STXBP5L: variants seen among roughly 807,000 people sequenced by gnomAD.
The protein encoded by STXBP5L is syntaxin binding protein 5L.
Under a neutral mutation model 144.5 loss-of-function variants are expected in STXBP5L, and 65 were observed. That is an observed-to-expected ratio of 0.45 (90% CI 0.37 to 0.55). The LOEUF (loss-of-function observed/expected upper bound fraction) is 0.55. Ranked by LOEUF, STXBP5L falls within the 20% of genes least tolerant of loss-of-function variation. The pLI, the probability that STXBP5L is intolerant of heterozygous loss-of-function variation, is 0.00. For missense variants in STXBP5L, 1,298 were observed against 1,405.5 expected (o/e 0.92, Z 1.22); for synonymous variants, 505 against 469.6 (o/e 1.08, Z -0.97).
At chr3:121,112,032 C>CCA (rs2107816389) in intron 5 of STXBP5L, among the ~76,000 whole-genome samples, 1 of 152,298 alleles carries the variant, frequency 6.6e-6, no homozygotes, top group African/African-American at 2.4e-5. Flanking sequence ...CGCTGTGCTA[C>CCA]ACTGTGGAGA....
At chr3:120,971,883 C>T (rs1940313995) in intron 3 of STXBP5L, among the ~76,000 whole-genome samples, 1 of 151,890 alleles carries the variant, frequency 6.6e-6, no homozygotes, top group Admixed American at 6.6e-5. Flanking sequence ...CACACACACA[C>T]AGAAGTGTAT....
At chr3:120,953,665 G>A (rs1937698351) in intron 2 of STXBP5L, among the ~76,000 whole-genome samples, 1 of 151,846 alleles carries the variant, frequency 6.6e-6, no homozygotes, top group African/African-American at 2.4e-5. Flanking sequence ...CATTAATTTT[G>A]TAACTTTAGC....
chr3:121,355,564 T>A (rs1322079946), intron 20 of STXBP5L, among the ~76,000 whole-genome samples: 1 of 152,172 alleles, frequency 6.6e-6, no homozygotes, highest in African/African-American at 2.4e-5. Flanking sequence ...CTCTATTCTG[T>A]TTATTCTATT....
chr3:121,359,589 T>C (rs2045641171), intron 20 of STXBP5L, among the ~76,000 whole-genome samples: 2 of 152,136 alleles, frequency 1.3e-5, no homozygotes. Flanking sequence ...GGTCTTATAT[T>C]TAAGTCTTTA....
chr3:121,088,355 T>C (rs1220244154), intron 5 of STXBP5L, among the ~76,000 whole-genome samples: 1 of 113,946 alleles, frequency 8.8e-6, no homozygotes, highest in Non-Finnish European at 1.8e-5. Context: ...TCATCATCAC[T>C]GGCCATCAGA....
chr3:121,089,176 C>CATTTA (rs2042652559), intron 5 of STXBP5L, among the ~76,000 whole-genome samples: 1 of 139,224 alleles, frequency 7.2e-6, no homozygotes, highest in Non-Finnish European at 1.5e-5. Flanking sequence ...ATACATAGTA[C>CATTTA]ATTTATTATA....
intron 9 of STXBP5L, among the ~76,000 whole-genome samples, chr3:121,170,588 C>A (rs910265579): frequency 6.6e-6 from 1 of 152,084 alleles, no homozygotes; most frequent in South Asian, 2.1e-4. Flanking sequence ...AATAGAAAAC[C>A]TAGAAGAAAT....
chr3:121,030,326 A>G (rs1271411943), intron 3 of STXBP5L, among the ~76,000 whole-genome samples: 1 of 152,200 alleles, frequency 6.6e-6, no homozygotes, highest in Non-Finnish European at 1.5e-5. Context: ...TGGTGCATAT[A>G]TACCATGGAA....
chr3:121,136,510 T>A (rs2045264387), intron 7 of STXBP5L, among the ~76,000 whole-genome samples: 1 of 152,164 alleles, frequency 6.6e-6, no homozygotes, highest in African/African-American at 2.4e-5. Flanking sequence ...GAGATCCAAA[T>A]CAAAACTACA....
chr3:121,075,393 A>T (rs1465631715), intron 5 of STXBP5L, among the ~76,000 whole-genome samples: 3 of 152,090 alleles, frequency 2.0e-5, no homozygotes, highest in Non-Finnish European at 4.4e-5. Context: ...TCTTCCAACT[A>T]AGGCTGCTGC....
Position 121,207,397 on chromosome 3 carries a change from G to A in STXBP5L, c.956+1396G>A, listed in dbSNP as rs564925862. On this transcript the variant is annotated intron_variant, in intron 10 of 26. Coordinates refer to ENST00000471454, the MANE Select transcript of STXBP5L (RefSeq NM_001308330.2). ...AAAAACCCTAGAAGAAAACCTAGGC[G>A]ATACCATGTAGGACATAGACGTGGG... 7.9e-5 allele frequency among the ~76,000 whole-genome samples: 12 copies of A among 152,170 alleles called. No individual in the cohort carries two copies. The South Asian group carries it at 8.3e-4, about 11-fold the overall frequency.
chr3:121,313,811 C>T (rs1352865726), intron 19 of STXBP5L, among the ~76,000 whole-genome samples: 1 of 144,402 alleles, frequency 6.9e-6, no homozygotes, highest in Admixed American at 6.8e-5. Context: ...GGGGTGGTTG[C>T]CGGACGGAGG....
intron 20 of STXBP5L, among the ~76,000 whole-genome samples, chr3:121,332,850 A>C (rs1420146671): frequency 6.7e-6 from 1 of 150,318 alleles, no homozygotes; most frequent in Non-Finnish European, 1.5e-5. Flanking sequence ...GAAGTAAAGA[A>C]TGATAAGAAC....
At position 120,952,008 on chromosome 3, in the gene STXBP5L, AC is replaced by A. The variant is rs1279148463; in HGVS notation, c.190-2931del. 8.6e-5 allele frequency among the ~76,000 whole-genome samples: 13 copies of A among 151,780 alleles called. No individual in the cohort carries two copies. The Admixed American group carries it at 8.6e-4, about 10-fold the overall frequency. On this transcript the variant is annotated intron_variant, in intron 2 of 26. Coordinates refer to ENST00000471454, the MANE Select transcript of STXBP5L (RefSeq NM_001308330.2). ...TGATGAGTTCATGTCCTTTGTAGGG[AC>A]ATGGATGAAACTGGAAATCATCATT...
At chr3:121,324,220 G>A (rs1298662672) in intron 20 of STXBP5L, among the ~76,000 whole-genome samples, 1 of 152,046 alleles carries the variant, frequency 6.6e-6, no homozygotes, top group Non-Finnish European at 1.5e-5. Flanking sequence ...TTGTTCTCAG[G>A]ATTGGGTCAG....
intron 21 of STXBP5L, among the ~76,000 whole-genome samples, chr3:121,379,390 G>T (rs2046272625): frequency 6.6e-6 from 1 of 152,018 alleles, no homozygotes; most frequent in Non-Finnish European, 1.5e-5. Context: ...CGGTGGGGTA[G>T]GGGAGTAAAT....
chr3:121,095,518 C>T (rs1048286420), intron 5 of STXBP5L, among the ~76,000 whole-genome samples: 26 of 152,144 alleles, frequency 1.7e-4, no homozygotes, highest in Admixed American at 9.8e-4. Context: ...CTTCTCTTCT[C>T]GCTTCATTTC....
intron 5 of STXBP5L, among the ~76,000 whole-genome samples, chr3:121,074,420 G>T (rs985211467): frequency 6.6e-6 from 1 of 152,108 alleles, no homozygotes; most frequent in Non-Finnish European, 1.5e-5. Flanking sequence ...TCCAAGACAA[G>T]GCACATCTTT....
chr3:121,256,688 T>G (rs2050216334), intron 16 of STXBP5L, among the ~76,000 whole-genome samples: 1 of 151,856 alleles, frequency 6.6e-6, no homozygotes, highest in African/African-American at 2.4e-5. Flanking sequence ...ACAAGTAATT[T>G]TTTCATACAC....
Sources: allele counts gnomAD v4.1 joint callset (sites outside exome capture counted in the v4.1 genomes callset), GRCh38; gene constraint gnomAD v4.1.1; transcripts MANE v1.5; gene names NCBI Gene and HGNC (gene_info 2026-07-23, HGNC 2026-07-21).